PCDH9: variants seen among roughly 807,000 people sequenced by gnomAD.
The protein encoded by PCDH9 is protocadherin-9.
A neutral mutation model predicts 70.6 loss-of-function variants in PCDH9; 24 were observed. The ratio of observed to expected loss-of-function variants is 0.34; its 90% CI spans 0.25 to 0.48. The LOEUF is 0.48. PCDH9 is among the 20% of genes least tolerant of loss of function. The probability of loss-of-function intolerance (pLI) is 0.99; values close to 1 mark genes in which losing one functional copy is unlikely to be tolerated. For synonymous variants in PCDH9, 562 were observed against 558.5 expected (o/e 1.01, Z -0.09); for missense variants, 1,281 against 1,503.6 (o/e 0.85, Z 2.45).
At chr13:66,914,904 T>C (rs2082532863) in intron 2 of PCDH9, 1 of 151,790 alleles carries the variant, frequency 6.6e-6, no homozygotes, top group African/African-American at 2.4e-5. Flanking sequence ...GATAGTGTTA[T>C]TTCTACAATG....
intron 3 of PCDH9, among the ~76,000 whole-genome samples, chr13:66,691,013 T>C (rs2139083624): frequency 6.6e-6 from 1 of 152,248 alleles, no homozygotes; most frequent in South Asian, 2.1e-4. Flanking sequence ...CGTAAATCAT[T>C]TTATTTTGTA....
intron 3 of PCDH9, among the ~76,000 whole-genome samples, chr13:66,776,100 ACT>A (rs1455404370): frequency 6.6e-6 from 1 of 152,026 alleles, no homozygotes; most frequent in African/African-American, 2.4e-5. Flanking sequence ...TTTCAAAAAT[ACT>A]CTCTGCTCTT....
In PCDH9 at chr13:66,309,352, T is replaced by C. The variant is rs567017168; in HGVS notation, c.3341-4324A>G. Reference sequence around the variant, plus strand: ...ATGATGAATTATTAAAGGGAATACATTCATTCGACTGGTCTCCTAAGTCAG... The same window carrying C: ...ATGATGAATTATTAAAGGGAATACACTCATTCGACTGGTCTCCTAAGTCAG... On this transcript the variant is annotated intron_variant, in intron 4 of 4. Coordinates refer to ENST00000377865, the MANE Select transcript of PCDH9 (RefSeq NM_203487.3). Among the ~76,000 whole-genome samples the C allele has an allele frequency of 5.9e-5, 9 of 152,034 alleles. No individual in the cohort carries two copies. In the South Asian group the frequency reaches 1.9e-3, roughly 32 times the overall value.
At chr13:66,764,409 A>G (rs947141644) in intron 3 of PCDH9, among the ~76,000 whole-genome samples, 5 of 152,124 alleles carry the variant, frequency 3.3e-5, no homozygotes, top group Admixed American at 2.0e-4. Flanking sequence ...GGTTAGAGTC[A>G]TTAACATTTG....
At chr13:67,035,016 A>T (rs2084982488) in intron 2 of PCDH9, among the ~76,000 whole-genome samples, 5 of 152,162 alleles carry the variant, frequency 3.3e-5, no homozygotes, top group Admixed American at 2.6e-4. Context: ...ACATGTATAT[A>T]CATGTGCATA....
At chr13:67,035,449 C>G (rs1008787394) in intron 2 of PCDH9, among the ~76,000 whole-genome samples, 1 of 151,960 alleles carries the variant, frequency 6.6e-6, no homozygotes, top group African/African-American at 2.4e-5. Context: ...TGAACACTTA[C>G]AGCTGTTCAT....
intron 2 of PCDH9, among the ~76,000 whole-genome samples, chr13:67,004,118 C>T (rs568344325): frequency 6.6e-6 from 1 of 151,204 alleles, no homozygotes; most frequent in East Asian, 1.9e-4. Flanking sequence ...AGAAGGGATT[C>T]GGTCACAGAG....
intron 2 of PCDH9, among the ~76,000 whole-genome samples, chr13:67,003,684 G>T (rs1566356159): frequency 6.6e-6 from 1 of 152,092 alleles, no homozygotes. Flanking sequence ...TTATTACTTT[G>T]TGCACTGCCA....
chr13:66,658,799 T>G (rs1182871559), intron 3 of PCDH9, among the ~76,000 whole-genome samples: 1 of 152,166 alleles, frequency 6.6e-6, no homozygotes, highest in Non-Finnish European at 1.5e-5. Context: ...AATTCTATGT[T>G]GATATCCAAG....
At chr13:66,848,723 G>C (rs887356108) in intron 3 of PCDH9, among the ~76,000 whole-genome samples, 5 of 151,796 alleles carry the variant, frequency 3.3e-5, no homozygotes, top group Non-Finnish European at 7.4e-5. Flanking sequence ...GGTCATGAGA[G>C]CGAGACCATC....
At chr13:66,910,578 G>A (rs1194611471) in intron 2 of PCDH9, among the ~76,000 whole-genome samples, 1 of 152,122 alleles carries the variant, frequency 6.6e-6, no homozygotes, top group Non-Finnish European at 1.5e-5. Flanking sequence ...AAATGCTAAG[G>A]ATCTTAAAGT....
intron 3 of PCDH9, among the ~76,000 whole-genome samples, chr13:66,817,933 T>C (rs1206422080): frequency 6.6e-6 from 1 of 152,182 alleles, no homozygotes; most frequent in Non-Finnish European, 1.5e-5. Flanking sequence ...CGGTCTGATT[T>C]TTATTTTTAT....
intron 4 of PCDH9, among the ~76,000 whole-genome samples, chr13:66,531,234 T>C (rs1960440681): frequency 6.6e-6 from 1 of 151,962 alleles, no homozygotes; most frequent in African/African-American, 2.4e-5. Context: ...AAAAGACAAA[T>C]GAGAACTCTC....
At chr13:66,523,215 C>T (rs1960074962) in intron 4 of PCDH9, among the ~76,000 whole-genome samples, 2 of 151,994 alleles carry the variant, frequency 1.3e-5, no homozygotes, top group South Asian at 4.1e-4. Context: ...CCTCCTCACC[C>T]TTCATTACTA....
chr13:66,546,485 T>G (rs1961208495), intron 4 of PCDH9, among the ~76,000 whole-genome samples: 1 of 152,184 alleles, frequency 6.6e-6, no homozygotes, highest in African/African-American at 2.4e-5. Flanking sequence ...GAAAATATTT[T>G]TGTACAGCTA....
rs141527627 is a variant in PCDH9, at chr13:66,335,880, G to A, written c.3341-30852C>T. ...TACTGTATTTGAGAGCATGGTTTCCGGAGGCCCGTATTGTCAATGTCAAGT... is the reference window on the plus strand; with the variant it reads ...TACTGTATTTGAGAGCATGGTTTCCAGAGGCCCGTATTGTCAATGTCAAGT... On this transcript the variant is annotated intron_variant, in intron 4 of 4. Transcript: ENST00000377865. 1.2e-3 allele frequency among the ~76,000 whole-genome samples: 188 copies of A among 152,142 alleles called. 2 individuals carry two copies. The East Asian group carries it at 0.028, about 23-fold the overall frequency.
rs1455030875 is a variant in PCDH9 at position 66,758,810 on chromosome 13, GA to G, written c.3139-127400del. ...GATTCAGTCCCCCTTACTCCTTACT[GA>G]TCTATTTAGATTTTCTATTTCTTCA... On this transcript the variant is annotated intron_variant, in intron 3 of 4. Transcript: ENST00000377865. Among the ~76,000 whole-genome samples the G allele has an allele frequency of 3.3e-5, 5 of 152,010 alleles. No homozygotes were observed. The South Asian group carries it at 6.2e-4, about 19-fold the overall frequency.
At chr13:66,328,524 C>T (rs1425873963) in intron 4 of PCDH9, among the ~76,000 whole-genome samples, 1 of 152,110 alleles carries the variant, frequency 6.6e-6, no homozygotes, top group African/African-American at 2.4e-5. Context: ...GATCTAGCCT[C>T]CTTGTACAGC....
At chr13:66,397,297 T>C (rs571963760) in intron 4 of PCDH9, among the ~76,000 whole-genome samples, 1 of 152,056 alleles carries the variant, frequency 6.6e-6, no homozygotes, top group Admixed American at 6.6e-5. Context: ...CTTGCACCTG[T>C]TGTCTCAGCT....
Sources: gnomAD v4.1 joint callset for allele counts (sites outside exome capture counted in the v4.1 genomes callset) on GRCh38, gnomAD v4.1.1 for gene constraint, MANE v1.5 for transcripts, NCBI Gene and HGNC (gene_info 2026-07-23, HGNC 2026-07-21) for gene names.